Variants in MCCC2 observed in about 807,000 individuals in gnomAD.
The protein encoded by MCCC2 is methylcrotonoyl-CoA carboxylase beta chain, mitochondrial.
Under a neutral mutation model 77.2 loss-of-function variants are expected in MCCC2, and 52 were observed. The observed-to-expected ratio is 0.67, with a 90% CI of 0.54 to 0.85. The LOEUF (loss-of-function observed/expected upper bound fraction) is 0.85. Ranked by LOEUF, MCCC2 falls within the 40% of genes least tolerant of loss-of-function variation. MCCC2 has a pLI of 0.00. For synonymous variants in MCCC2, 253 were observed against 248.4 expected, an observed-to-expected ratio of 1.02 and a Z score of -0.18; for missense variants, 682 against 703.2, an observed-to-expected ratio of 0.97 and a Z score of 0.34.
At chr5:71,617,301 G>A (rs148420117) in intron 6 of MCCC2, among the ~76,000 whole-genome samples, 3 of 152,180 alleles carry the variant, frequency 2.0e-5, no homozygotes, top group African/African-American at 7.2e-5. Context: ...AGGAAATCCC[G>A]GAATCCTTTA....
At chr5:71,644,097 ATGTT>A (rs1360249466) in intron 12 of MCCC2, among the ~76,000 whole-genome samples, 1 of 139,202 alleles carries the variant, frequency 7.2e-6, no homozygotes, top group African/African-American at 2.6e-5. Flanking sequence ...ATGTGCATGT[ATGTT>A]AGTATTTGAA....
chr5:71,602,542 C>T lies in MCCC2; in HGVS notation c.420C>T (p.Val140=). ...ECMIIANDAT[V]KGGAYYPVTV... Reference sequence around the variant, plus strand: ...TGATTATTGCCAATGATGCCACCGTCAAAGGAGGTGCCTACTACCCAGTGA... The same window carrying T: ...TGATTATTGCCAATGATGCCACCGTTAAAGGAGGTGCCTACTACCCAGTGA... The change falls in exon 5 of 17, where the codon GTC becomes GTT. Residue 140 remains valine (V), a synonymous_variant. Transcript: ENST00000340941. The T allele has an allele frequency of 3.1e-6, 5 of 1,614,112 alleles. No homozygotes were observed. Among genetic ancestry groups the T allele is most frequent in the Non-Finnish European group, 4.2e-6 (5 of 1,180,022 alleles).
intron 6 of MCCC2, among the ~76,000 whole-genome samples, chr5:71,610,582 T>G (rs1193711962): frequency 6.6e-6 from 1 of 152,226 alleles, no homozygotes; most frequent in African/African-American, 2.4e-5. Flanking sequence ...TCGGCCATCT[T>G]GGCTCCTCCC....
At chr5:71,595,562 G>A (rs553911941) in intron 2 of MCCC2, among the ~76,000 whole-genome samples, 12 of 151,956 alleles carry the variant, frequency 7.9e-5, no homozygotes, top group African/African-American at 2.9e-4. Flanking sequence ...TGAAATTCTT[G>A]GACACCAATA....
chr5:71,645,361 T>C (rs1380857248), intron 12 of MCCC2, among the ~76,000 whole-genome samples: 1 of 152,148 alleles, frequency 6.6e-6, no homozygotes, highest in Non-Finnish European at 1.5e-5. Context: ...GACTAAAACA[T>C]AAAGGAAATG....
chr5:71,653,257 C>T (rs1343224318), intron 16 of MCCC2, among the ~76,000 whole-genome samples: 1 of 152,162 alleles, frequency 6.6e-6, no homozygotes, highest in Admixed American at 6.5e-5. Context: ...GTCTGTGTGT[C>T]GGCGCCAAAT....
intron 3 of MCCC2, among the ~76,000 whole-genome samples, chr5:71,597,939 G>A (rs1474918514): frequency 1.3e-5 from 2 of 152,158 alleles, no homozygotes; most frequent in Non-Finnish European, 2.9e-5. Flanking sequence ...TCCCGGCTCT[G>A]CCCCTTACTT....
In MCCC2 at chr5:71,602,544, A is replaced by G. The variant is rs766305039; in HGVS notation, c.422A>G (p.Lys141Arg). 8.1e-6 allele frequency: 13 copies of G among 1,614,052 alleles called. No individual in the cohort carries two copies. The highest frequency in any genetic ancestry group is 4.5e-5 in the East Asian group (2 of 44,888). Residue 141 changes from lysine to arginine, a missense_variant, in exon 5 of 17, where the codon AAA (lysine) becomes AGA (arginine). Coordinates refer to ENST00000340941, the MANE Select transcript of MCCC2 (RefSeq NM_022132.5). ...CMIIANDATVKGGAYYPVTVK... is the reference protein window; with the variant it reads ...CMIIANDATVRGGAYYPVTVK... ...ATTATTGCCAATGATGCCACCGTCA[A>G]AGGAGGTGCCTACTACCCAGTGACT...
intron 5 of MCCC2, 37 bp downstream of exon 5, chr5:71,602,670 C>T: frequency 6.2e-7 from 1 of 1,613,982 alleles, no homozygotes; most frequent in Non-Finnish European, 8.5e-7. Flanking sequence ...CTATTATTAG[C>T]TGGTAAAATG....
intron 1 of MCCC2, among the ~76,000 whole-genome samples, chr5:71,592,132 G>T (rs535086644): frequency 6.6e-5 from 10 of 152,270 alleles, no homozygotes; most frequent in Admixed American, 5.9e-4. Flanking sequence ...TGTAATCCCA[G>T]CACTTTGGGA....
At chr5:71,646,770 C>T (rs964741330) in intron 13 of MCCC2, among the ~76,000 whole-genome samples, 9 of 152,198 alleles carry the variant, frequency 5.9e-5, no homozygotes, top group Admixed American at 1.3e-4. Context: ...CAGCCACACA[C>T]CCAGAAAGCA....
In MCCC2 at chr5:71,587,422, C is replaced by A; in HGVS notation, c.-4C>A. 6.5e-7 allele frequency: 1 copy of A among 1,533,998 alleles called. No individual in the cohort carries two copies. ...GGCCGCTCTCTCGCTCGGTGCCCGC[C>A]GCCATGTGGGCCGTCCTGAGGTTAG... On this transcript the variant is annotated 5_prime_UTR_variant, in exon 1 of 17. Coordinates refer to ENST00000340941, the MANE Select transcript of MCCC2 (RefSeq NM_022132.5).
intron 2 of MCCC2, 138 bp downstream of exon 2, chr5:71,593,130 C>T (rs1444421265): frequency 9.5e-6 from 7 of 739,342 alleles, no homozygotes; most frequent in Admixed American, 4.8e-5. Flanking sequence ...CTCTCTTGCC[C>T]AGGCTGGAGT....
In MCCC2 at chr5:71,635,340, C is replaced by T. The variant is rs1053983899; in HGVS notation, c.999+94C>T. 5.5e-6 allele frequency: 6 copies of T among 1,100,500 alleles called. No homozygotes were observed. In the African/African-American group the frequency reaches 7.7e-5, roughly 14 times the overall value. 68.2% of individuals were successfully genotyped at this position (1,100,500 alleles called of 1,614,324 possible). A position where few individuals can be genotyped will look rare whatever the true frequency, so the allele number is the denominator to read the frequency against. Reference sequence around the variant, plus strand: ...AAGCTAAAGTTTGTTAAGATATGTTCATGCCTAGAAATAGATGTGGATCTC... The same window carrying T: ...AAGCTAAAGTTTGTTAAGATATGTTTATGCCTAGAAATAGATGTGGATCTC... On this transcript the variant is annotated intron_variant, in intron 10 of 16. Coordinates refer to ENST00000340941, the MANE Select transcript of MCCC2 (RefSeq NM_022132.5).
At chr5:71,637,404 C>A (rs1292744375) in intron 10 of MCCC2, among the ~76,000 whole-genome samples, 2 of 152,174 alleles carry the variant, frequency 1.3e-5, no homozygotes, top group African/African-American at 4.8e-5. Context: ...TATATTTATA[C>A]TATATTGTAG....
chr5:71,602,573 A>C lies in MCCC2; in HGVS notation c.451A>C (p.Lys151Gln), dbSNP rs1745483157. The C allele has an allele frequency of 6.2e-7, 1 of 1,614,206 alleles. No individual in the cohort carries two copies. Among genetic ancestry groups the C allele is most frequent in the Non-Finnish European group, 8.5e-7 (1 of 1,180,038 alleles). Residue 151 changes from lysine to glutamine, a missense_variant, in exon 5 of 17, where the codon AAA (lysine) becomes CAA (glutamine). Transcript: ENST00000340941. The stretch of plus-strand genomic sequence containing the variant: ...AGGTGCCTACTACCCAGTGACTGTG[A>C]AAAAACAATTACGGGCCCAAGAAAT... ...KGGAYYPVTV[K>Q]KQLRAQEIAM...
intron 6 of MCCC2, among the ~76,000 whole-genome samples, chr5:71,610,056 A>G (rs1302085567): frequency 6.6e-6 from 1 of 152,264 alleles, no homozygotes; most frequent in Non-Finnish European, 1.5e-5. Context: ...GGGAGCCTAC[A>G]GAGGCAGGCA....
chr5:71,619,212 TG>T (rs1424386388), intron 6 of MCCC2, among the ~76,000 whole-genome samples: 1 of 152,138 alleles, frequency 6.6e-6, no homozygotes, highest in African/African-American at 2.4e-5. Flanking sequence ...CCTTGGTAAT[TG>T]TTTTGAGGAG....
At chr5:71,605,986 T>C (rs558288913) in intron 6 of MCCC2, among the ~76,000 whole-genome samples, 2 of 152,348 alleles carry the variant, frequency 1.3e-5, no homozygotes, top group South Asian at 2.1e-4. Context: ...AGCCTTGTAG[T>C]ACAGTTTGAA....
Sources: gnomAD v4.1 joint callset for allele counts (sites outside exome capture counted in the v4.1 genomes callset) on GRCh38, gnomAD v4.1.1 for gene constraint, MANE v1.5 for transcripts, NCBI Gene and HGNC (gene_info 2026-07-23, HGNC 2026-07-21) for gene names.